NXN: variants seen among roughly 807,000 people sequenced by gnomAD.
NXN encodes nucleoredoxin 1.
NXN carries 16 observed loss-of-function variants against 48.6 expected under a neutral mutation model. That is an observed-to-expected ratio of 0.33 (90% confidence interval 0.22 to 0.50). The LOEUF is 0.50. Ranked by LOEUF, NXN falls within the 20% of genes least tolerant of loss-of-function variation. The probability of loss-of-function intolerance (pLI) is 0.98; values close to 1 mark genes in which losing one functional copy is unlikely to be tolerated. For missense variants in NXN, 492 were observed against 605.5 expected, an observed-to-expected ratio of 0.81 and a Z score of 1.97; for synonymous variants, 281 against 269.6, an observed-to-expected ratio of 1.04 and a Z score of -0.41.
chr17:900,684 C>T (rs2068528849), intron 1 of NXN, among the ~76,000 whole-genome samples: 1 of 152,066 alleles, frequency 6.6e-6, no homozygotes, highest in Non-Finnish European at 1.5e-5. Flanking sequence ...AACTTTAGCA[C>T]TTTATTAGAA....
At chr17:860,278 C>T (rs1373746305) in intron 1 of NXN, among the ~76,000 whole-genome samples, 4 of 152,228 alleles carry the variant, frequency 2.6e-5, no homozygotes, top group African/African-American at 4.8e-5. Context: ...CGTGTGCCGC[C>T]GCGCCCGGCT....
chr17:845,317 C>CATCA (rs2067848311), intron 1 of NXN, among the ~76,000 whole-genome samples: 1 of 152,076 alleles, frequency 6.6e-6, no homozygotes, highest in Admixed American at 6.6e-5. Context: ...ATCCTACCAT[C>CATCA]ATCACCCTTA....
chr17:853,716 TATATA>T (rs1327491356), intron 1 of NXN, among the ~76,000 whole-genome samples: 24 of 94,334 alleles, frequency 2.5e-4, no homozygotes, highest in South Asian at 1.9e-3. Flanking sequence ...TATATATATA[TATATA>T]TATTTTTTTT....
chr17:838,652 T>C (rs1453621352), intron 1 of NXN, among the ~76,000 whole-genome samples: 1 of 152,156 alleles, frequency 6.6e-6, no homozygotes, highest in Non-Finnish European at 1.5e-5. Flanking sequence ...TATAAAAATA[T>C]GAAGCAACAA....
intron 1 of NXN, among the ~76,000 whole-genome samples, chr17:863,458 C>A (rs142934125): frequency 1.3e-5 from 2 of 152,064 alleles, no homozygotes; most frequent in African/African-American, 4.8e-5. Flanking sequence ...TGAGCCACCA[C>A]GCTCAGCCGT....
intron 1 of NXN, among the ~76,000 whole-genome samples, chr17:875,352 C>T (rs937441941): frequency 7.9e-5 from 12 of 151,996 alleles, no homozygotes; most frequent in Non-Finnish European, 1.8e-4. Flanking sequence ...TCTTTTAATC[C>T]TCACAACAGA....
At chr17:929,360 C>T (rs969704535) in intron 1 of NXN, among the ~76,000 whole-genome samples, 7 of 152,206 alleles carry the variant, frequency 4.6e-5, no homozygotes, top group African/African-American at 1.7e-4. Context: ...ATTGGCTACA[C>T]GTTTTGACTG....
intron 1 of NXN, chr17:842,452 G>A (rs891606952): frequency 2.3e-5 from 21 of 929,698 alleles, no homozygotes; most frequent in Middle Eastern, 5.4e-4. Flanking sequence ...CCGTGATCCC[G>A]GCGGGGAAGG....
intron 1 of NXN, among the ~76,000 whole-genome samples, chr17:931,828 C>G (rs915374251): frequency 3.3e-5 from 3 of 92,090 alleles, no homozygotes; most frequent in African/African-American, 1.2e-4. Flanking sequence ...GAGTAAGACT[C>G]CGTCTCAAAA....
At chr17:934,121 G>T (rs1392541919) in intron 1 of NXN, among the ~76,000 whole-genome samples, 2 of 152,168 alleles carry the variant, frequency 1.3e-5, no homozygotes, top group Non-Finnish European at 2.9e-5. Context: ...CAATAAGAAG[G>T]CCAGGCGCCG....
intron 1 of NXN, among the ~76,000 whole-genome samples, chr17:955,561 T>C (rs1223082784): frequency 6.6e-6 from 1 of 150,578 alleles, no homozygotes; most frequent in Non-Finnish European, 1.5e-5. Flanking sequence ...CCAAGAAATA[T>C]GACTGGCCCA....
At chr17:891,186 C>A (rs2068413209) in intron 1 of NXN, among the ~76,000 whole-genome samples, 1 of 152,130 alleles carries the variant, frequency 6.6e-6, no homozygotes, top group South Asian at 2.1e-4. Context: ...TCAGGCGATC[C>A]TCCTCAGCCT....
rs750301202 is a variant in NXN at position 803,710 on chromosome 17, G to A, written c.1097C>T (p.Ala366Val). 2 of 1,614,224 alleles carry A rather than the reference G, an allele frequency of 1.2e-6. No homozygotes were observed. The highest frequency in any genetic ancestry group is 1.7e-6 in the Non-Finnish European group (2 of 1,180,040). The change falls in exon 7 of 8, where the codon GCA becomes GTA. Residue 366 changes from alanine to valine, a missense_variant. This residue lies in a region of NXN where 303 missense variants were observed against 388.3 expected (regional missense o/e 0.78). Coordinates refer to ENST00000336868, the MANE Select transcript of NXN (RefSeq NM_022463.5). ...IAKYKAKEEE[A>V]PLLFFVAGED... Reference sequence around the variant, plus strand: ...CCCGGCTACGAAGAACAGAAGGGGTGCCTCCTCCTCTTTGGCTTTGTACTT... The same window carrying A: ...CCCGGCTACGAAGAACAGAAGGGGTACCTCCTCCTCTTTGGCTTTGTACTT...
At chr17:863,877 C>T (rs2068066666) in intron 1 of NXN, 3 of 1,184,614 alleles carry the variant, frequency 2.5e-6, no homozygotes, top group East Asian at 5.1e-5. Flanking sequence ...AAAACATACC[C>T]ACTGCTTACA....
At chr17:842,246 A>G (rs1402152991) in intron 1 of NXN, among the ~76,000 whole-genome samples, 2 of 152,224 alleles carry the variant, frequency 1.3e-5, no homozygotes, top group South Asian at 2.1e-4. Context: ...CCCGGCTAGC[A>G]CTGATCTGTG....
At chr17:819,649 G>A (rs567862144) in intron 4 of NXN, 104 bp from the exon 5 acceptor site, 55 of 811,554 alleles carry the variant, frequency 6.8e-5, no homozygotes, top group East Asian at 5.9e-4. Context: ...TGCAGAAGCC[G>A]GGGTTTCTAA....
Position 868,216 on chromosome 17 carries a change from A to G in NXN, c.361-42138T>C, listed in dbSNP as rs118160548. Among the ~76,000 whole-genome samples, 1,176 of 152,138 alleles carry G rather than the reference A, an allele frequency of 7.7e-3. 12 individuals are homozygous for G. The highest frequency in any genetic ancestry group is 0.035 in the East Asian group (178 of 5,158). ...GTCCTTCACACATGGGATTCCCTCTATCCGATCCACCCTTCCCCGGAATTC... is the reference window on the plus strand; with the variant it reads ...GTCCTTCACACATGGGATTCCCTCTGTCCGATCCACCCTTCCCCGGAATTC... On this transcript the variant is annotated intron_variant, in intron 1 of 7. Transcript: ENST00000336868.
intron 1 of NXN, chr17:842,611 A>G: frequency 2.0e-6 from 2 of 977,004 alleles, no homozygotes; most frequent in Non-Finnish European, 2.4e-6. Flanking sequence ...GTCACTCCCC[A>G]GGCAACTTGG....
rs1014818536 is a variant in NXN at position 956,961 on chromosome 17, A to T, written c.360+22358T>A. Among the ~76,000 whole-genome samples the T allele has an allele frequency of 6.6e-6, 1 of 152,110 alleles. No individual in the cohort carries two copies. The highest frequency in any genetic ancestry group is 1.5e-5 in the Non-Finnish European group (1 of 68,022). The stretch of plus-strand genomic sequence containing the variant: ...AACCAATACCATGGTCATCACCCAG[A>T]AAAAACTCTAAATTTATAGGTATAT... On this transcript the variant is annotated intron_variant, in intron 1 of 7. Transcript: ENST00000336868. This position sits in a 1 kb window ranked among gnomAD's most constrained non-coding sequence, Gnocchi z 4.1.
Sources: gnomAD v4.1 joint callset for allele counts (sites outside exome capture counted in the v4.1 genomes callset) on GRCh38, gnomAD v4.1.1 for gene constraint, gnomAD v4.1.1 regional missense constraint, Gnocchi (gnomAD v3.1) non-coding constraint, MANE v1.5 for transcripts, NCBI Gene and HGNC (gene_info 2026-07-23, HGNC 2026-07-21) for gene names.